PLEKHM1: variants seen among roughly 807,000 people sequenced by gnomAD.
PLEKHM1 encodes the protein pleckstrin homology and RUN domain containing M1, also known as pleckstrin homology domain-containing family M member 1.
A neutral mutation model predicts 94.3 loss-of-function variants in PLEKHM1; 28 were observed. That is an observed-to-expected ratio of 0.30 (90% CI 0.22 to 0.41). The LOEUF (loss-of-function observed/expected upper bound fraction) is 0.41, where lower values mean the gene tolerates loss of function less well. Among genes scored for constraint, PLEKHM1 ranks in the 10% least tolerant of loss-of-function variants. The pLI, the probability that PLEKHM1 is intolerant of heterozygous loss-of-function variation, is 1.00. For missense variants in PLEKHM1, 907 were observed against 1,358.6 expected (o/e 0.67, Z 5.22); for synonymous variants, 424 against 581.2 (o/e 0.73, Z 3.89).
intron 6 of PLEKHM1, among the ~76,000 whole-genome samples, chr17:45,457,146 G>A (rs2050977981): frequency 6.7e-6 from 1 of 150,068 alleles, no homozygotes; most frequent in South Asian, 2.1e-4. Flanking sequence ...ACTCCAGCCT[G>A]GGTGACAGAG....
In PLEKHM1 at chr17:45,445,706, T is replaced by C. The variant is rs1490218029; in HGVS notation, c.2644-43A>G. 1.3e-6 allele frequency: 2 copies of C among 1,547,910 alleles called. No individual in the cohort carries two copies. Among genetic ancestry groups the C allele is most frequent in the African/African-American group, 1.4e-5 (1 of 73,662 alleles). ...CATTGGGGATGGGAAGGAATGGCTG[T>C]TCAGTGAGCACTGCCTGGCCAGGTG... On this transcript the variant is annotated intron_variant, in intron 8 of 11. Coordinates refer to ENST00000430334, the MANE Select transcript of PLEKHM1 (RefSeq NM_014798.3). This position sits in a 1 kb window ranked among gnomAD's most constrained non-coding sequence, Gnocchi z 4.2.
At chr17:45,458,478 T>A (rs1308654043) in intron 5 of PLEKHM1, 39 bp from the exon 6 acceptor site, 4 of 1,590,930 alleles carry the variant, frequency 2.5e-6, no homozygotes, top group Non-Finnish European at 2.6e-6. Flanking sequence ...GTTTTAAAGT[T>A]TTTTTGTTTT....
At chr17:45,439,404 T>C (rs1158438888) in intron 11 of PLEKHM1, 73 bp downstream of exon 11, 7 of 1,539,560 alleles carry the variant, frequency 4.5e-6, no homozygotes, top group African/African-American at 1.4e-5. Context: ...CCTGCTGCCC[T>C]GCGTGCTTGG....
At chr17:45,490,574 G>C in intron 1 of PLEKHM1, 78 bp downstream of exon 1, 1 of 409,980 alleles carries the variant, frequency 2.4e-6, no homozygotes, top group South Asian at 1.7e-5. Flanking sequence ...CGGAGGGAGC[G>C]GGAGGCCCAC....
chr17:45,449,718 T>TCACCTACTTACCTACCCATC (rs2050714079), intron 8 of PLEKHM1, among the ~76,000 whole-genome samples: 1 of 46,646 alleles, frequency 2.1e-5, no homozygotes, highest in Non-Finnish European at 4.3e-5. Context: ...ACCTGCTCAT[T>TCACCTACTTACCTACCCATC]CACCTACTTA....
chr17:45,442,382 T>G (rs1181908478), intron 9 of PLEKHM1, among the ~76,000 whole-genome samples: 1 of 152,138 alleles, frequency 6.6e-6, no homozygotes, highest in African/African-American at 2.4e-5. Context: ...TGCACTCCAC[T>G]GGGGCCAGAA....
chr17:45,463,876 T>G (rs1270140206), intron 5 of PLEKHM1: 2 of 152,296 alleles, frequency 1.3e-5, no homozygotes, highest in Non-Finnish European at 2.9e-5. Flanking sequence ...AAAGGGCTCA[T>G]GACACCATAT....
chr17:45,467,140 G>A (rs181631898), intron 5 of PLEKHM1, among the ~76,000 whole-genome samples: 1 of 152,258 alleles, frequency 6.6e-6, no homozygotes, highest in East Asian at 1.9e-4. Context: ...TACAGATGGG[G>A]TCTCACTTTG....
chr17:45,473,716 G>T (rs999229879), intron 4 of PLEKHM1, among the ~76,000 whole-genome samples: 1 of 151,810 alleles, frequency 6.6e-6, no homozygotes, highest in African/African-American at 2.4e-5. Flanking sequence ...CCGCCACCAC[G>T]CCCGGCTAAT....
At position 45,436,588 on chromosome 17, in the gene PLEKHM1, G is replaced by A. The variant is rs749767327; in HGVS notation, c.*1270C>T. On this transcript the variant is annotated 3_prime_UTR_variant, in exon 12 of 12. Coordinates refer to ENST00000430334, the MANE Select transcript of PLEKHM1 (RefSeq NM_014798.3). The stretch of plus-strand genomic sequence containing the variant: ...AGGTCCAGGAGAGGTGGGGGAAGGC[G>A]ACAGAGAGACCAGCAAACCCACATT... 6.6e-6 allele frequency: 3 copies of A among 453,490 alleles called. No individual in the cohort carries two copies. The highest frequency in any genetic ancestry group is 4.7e-5 in the Admixed American group (2 of 42,552). 28.1% of individuals were successfully genotyped at this position (453,490 alleles called of 1,614,324 possible). A position where few individuals can be genotyped will look rare whatever the true frequency, so the allele number is the denominator to read the frequency against.
rs2051800046 is a variant in PLEKHM1, at chr17:45,477,795, C to T, written c.296+105G>A. 3.8e-5 allele frequency: 52 copies of T among 1,353,772 alleles called. No individual in the cohort carries two copies. The East Asian group carries it at 1.2e-3, about 32-fold the overall frequency. The allele number at this position is 1,353,772 out of a possible 1,614,324, so 83.9% of individuals were successfully genotyped here. ...ACCTCACCCTCTCTCTATGCTAGAA[C>T]ACAGGGCACCTCTGTTGGCTTCCTG... is the stretch of plus-strand genomic sequence containing the variant. On this transcript the variant is annotated intron_variant, in intron 3 of 11. Transcript: ENST00000430334.
intron 11 of PLEKHM1, among the ~76,000 whole-genome samples, chr17:45,438,246 A>G (rs2050331189): frequency 6.6e-6 from 1 of 152,202 alleles, no homozygotes. Context: ...TTTAAAAAAT[A>G]TTTACGGCCA....
chr17:45,439,565 A>G lies in PLEKHM1; in HGVS notation c.2971T>C (p.Cys991Arg). The change falls in exon 11 of 12, where the codon TGC becomes CGC. Residue 991 changes from cysteine to arginine, a missense_variant. Cys to Arg is a radical substitution (Grantham distance 180, BLOSUM62 -3). Coordinates refer to ENST00000430334, the MANE Select transcript of PLEKHM1 (RefSeq NM_014798.3). ...AAGCCGCGCTGGGTGCACAGGTCGC[A>G]GTGGTAGACATGCTGGGAGGCAAAT... is the stretch of plus-strand genomic sequence containing the variant. ...IEFASQHVYH[C>R]DLCTQRGFIC... 6.2e-7 allele frequency: 1 copy of G among 1,614,218 alleles called. No homozygotes were observed. Among genetic ancestry groups the G allele is most frequent in the Non-Finnish European group, 8.5e-7 (1 of 1,180,042 alleles).
rs770863357 is a variant in PLEKHM1, at chr17:45,453,841, G to C, written c.2011C>G (p.Gln671Glu). The C allele has an allele frequency of 2.5e-6, 4 of 1,614,012 alleles. No individual in the cohort carries two copies. In the Admixed American group the frequency reaches 6.7e-5, roughly 27 times the overall value. ...LSEPAALQGT[Q>E]FDWSSAQVPE... Reference sequence around the variant, plus strand: ...ACCTGGGCGGACGACCAGTCAAACTGTGTGCCCTGGAGGGCCGCGGGCTCC... The same window carrying C: ...ACCTGGGCGGACGACCAGTCAAACTCTGTGCCCTGGAGGGCCGCGGGCTCC... The change falls in exon 7 of 12, where the codon CAG becomes GAG. Residue 671 changes from glutamine (Q) to glutamate (E), a missense_variant. Transcript: ENST00000430334. The surrounding 1 kb of genome is among the most constrained non-coding windows in gnomAD (Gnocchi z 4.1).
chr17:45,451,228 G>C (rs538680716), intron 7 of PLEKHM1, among the ~76,000 whole-genome samples: 1 of 152,346 alleles, frequency 6.6e-6, no homozygotes, highest in South Asian at 2.1e-4. Flanking sequence ...GTAGCTGGGG[G>C]ACAGGGACCA....
At chr17:45,474,087 T>C (rs1597986526) in intron 4 of PLEKHM1, among the ~76,000 whole-genome samples, 1 of 148,600 alleles carries the variant, frequency 6.7e-6, no homozygotes, top group Admixed American at 6.7e-5. Flanking sequence ...GACAGAGTCT[T>C]ACTCTGTCAC....
intron 10 of PLEKHM1, chr17:45,439,911 G>T: frequency 1.6e-6 from 1 of 636,962 alleles, no homozygotes; most frequent in Non-Finnish European, 2.8e-6. Flanking sequence ...CTTGGGGAAA[G>T]GAGTATTCCA....
At chr17:45,472,283 A>G (rs986636337) in intron 4 of PLEKHM1, among the ~76,000 whole-genome samples, 4 of 152,220 alleles carry the variant, frequency 2.6e-5, no homozygotes, top group Non-Finnish European at 5.9e-5. Flanking sequence ...GTGTTTGTGC[A>G]TCTGTATGTC....
intron 8 of PLEKHM1, among the ~76,000 whole-genome samples, chr17:45,450,074 C>T (rs1326778076): frequency 1.3e-5 from 2 of 151,610 alleles, no homozygotes; most frequent in Admixed American, 1.3e-4. Flanking sequence ...CCTAACCATC[C>T]ACCTAACCAC....
Sources: allele counts gnomAD v4.1 joint callset (sites outside exome capture counted in the v4.1 genomes callset), GRCh38; gene constraint gnomAD v4.1.1; non-coding constraint Gnocchi (gnomAD v3.1); transcripts MANE v1.5; gene names NCBI Gene and HGNC (gene_info 2026-07-23, HGNC 2026-07-21).